The following ANKRD31 variants were observed in gnomAD, a reference collection of about 807,000 sequenced individuals.
The protein encoded by ANKRD31 is ankyrin repeat domain-containing protein 31.
ANKRD31 carries 147 observed loss-of-function variants against 186.0 expected under a neutral mutation model. The observed-to-expected ratio is 0.79, with a 90% CI of 0.69 to 0.91. The LOEUF is 0.91. Among genes scored for constraint, ANKRD31 ranks in the 40% least tolerant of loss-of-function variants. The pLI is 0.00. For synonymous variants in ANKRD31, 673 were observed against 736.4 expected, an observed-to-expected ratio of 0.91 and a Z score of 1.39; for missense variants, 1,986 against 2,148.8, an observed-to-expected ratio of 0.92 and a Z score of 1.50.
In ANKRD31 at chr5:75,213,960, G is replaced by A. The variant is rs114484140; in HGVS notation, c.289-3095C>T. The stretch of plus-strand genomic sequence containing the variant: ...CTCACACAAACTACCTTCACATTTG[G>A]TAGACCAGAATAGTAGTTACTGGTA... On this transcript the variant is annotated intron_variant, in intron 3 of 25. Transcript: ENST00000506364. Among the ~76,000 whole-genome samples the A allele has an allele frequency of 6.0e-3, 909 of 152,286 alleles. 12 individuals are homozygous for A. The highest frequency in any genetic ancestry group is 0.021 in the African/African-American group (866 of 41,558).
chr5:75,161,103 A>C (rs563436263), intron 11 of ANKRD31, among the ~76,000 whole-genome samples: 1 of 152,312 alleles, frequency 6.6e-6, no homozygotes, highest in Non-Finnish European at 1.5e-5. Flanking sequence ...GCAACTTTGG[A>C]ACTGGCTAAC....
chr5:75,088,817 C>T (rs987690229), intron 23 of ANKRD31, among the ~76,000 whole-genome samples: 26 of 152,234 alleles, frequency 1.7e-4, no homozygotes, highest in African/African-American at 5.5e-4. Flanking sequence ...AAAGTTGTTG[C>T]GTAAAACTGC....
intron 10 of ANKRD31, among the ~76,000 whole-genome samples, chr5:75,184,140 C>T (rs1754533017): frequency 6.6e-6 from 1 of 152,074 alleles, no homozygotes; most frequent in Non-Finnish European, 1.5e-5. Context: ...GCCAAAAATA[C>T]ACACTGGGGA....
chr5:75,116,689 A>C lies in ANKRD31; in HGVS notation c.4040-8T>G. The C allele has an allele frequency of 7.3e-7, 1 of 1,372,048 alleles. No homozygotes were observed. Among genetic ancestry groups the C allele is most frequent in the Non-Finnish European group, 9.5e-7 (1 of 1,047,552 alleles). The allele number at this position is 1,372,048 out of a possible 1,614,324, so 85.0% of individuals were successfully genotyped here. The stretch of plus-strand genomic sequence containing the variant: ...GGACAGCAGGAATTTTTTCTTTAAA[A>C]AGTAAAATTAGAAAATATAATAAGA... On this transcript the variant is annotated splice_polypyrimidine_tract_variant and splice_region_variant and intron_variant, in intron 18 of 25. Transcript: ENST00000506364.
At position 75,104,588 on chromosome 5, in the gene ANKRD31, A is replaced by G; in HGVS notation, c.4971T>C (p.His1657=). 1 of 1,536,322 alleles carries G rather than the reference A, an allele frequency of 6.5e-7. No individual in the cohort carries two copies. The highest frequency in any genetic ancestry group is 8.7e-7 in the Non-Finnish European group (1 of 1,146,546). The change falls in exon 22 of 26, where the codon CAT becomes CAC. Residue 1657 remains histidine, a synonymous_variant. Transcript: ENST00000506364. ...TASVLAENAA[H]PSNIICDQDL... ...CCTGATCACAAATAATATTTGATGG[A>G]TGGGCAGCATTTTCGGCAAGGACAC...
At chr5:75,158,446 G>A (rs745508440) in intron 11 of ANKRD31, among the ~76,000 whole-genome samples, 3 of 152,094 alleles carry the variant, frequency 2.0e-5, no homozygotes, top group Non-Finnish European at 4.4e-5. Flanking sequence ...GTGGGTTGGG[G>A]GACTCAGGAT....
intron 19 of ANKRD31, among the ~76,000 whole-genome samples, chr5:75,115,457 C>T (rs9687104): frequency 0.049 from 7,399 of 151,910 alleles, 391 homozygotes; most frequent in African/African-American, 0.13. Flanking sequence ...AAACTACCAT[C>T]AGAGTGAACA....
chr5:75,234,349 T>C (rs1352483603), intron 1 of ANKRD31, among the ~76,000 whole-genome samples: 2 of 152,236 alleles, frequency 1.3e-5, no homozygotes, highest in Non-Finnish European at 2.9e-5. Flanking sequence ...AGACAATATA[T>C]TTATATGGTT....
chr5:75,209,477 GACC>G (rs1341199448), intron 4 of ANKRD31, among the ~76,000 whole-genome samples: 3 of 152,160 alleles, frequency 2.0e-5, no homozygotes, highest in Non-Finnish European at 4.4e-5. Context: ...AGGAGTTCAA[GACC>G]AGCATGGCCA....
At chr5:75,087,003 A>G (rs1745543296) in intron 23 of ANKRD31, among the ~76,000 whole-genome samples, 1 of 152,210 alleles carries the variant, frequency 6.6e-6, no homozygotes, top group South Asian at 2.1e-4. Flanking sequence ...TATTTTGGTA[A>G]GGTCTTTGGA....
rs1747170617 is a variant in ANKRD31, at chr5:75,104,510, T to C, written c.5049A>G (p.Gln1683=). 7 of 1,537,166 alleles carry C rather than the reference T, an allele frequency of 4.6e-6. No individual in the cohort carries two copies. The highest frequency in any genetic ancestry group is 2.4e-5 in the South Asian group (2 of 84,006). ...GAGATTCTGATGCCCCTGTAGGTGA[T>C]TGCTGGGAACTTGTTTTTCTGTTTC... ...KRGNRKTSSQ[Q]SPTGASESLA... is the part of the protein sequence containing the mutation. Residue 1683 remains glutamine, a synonymous_variant, in exon 22 of 26, where the codon CAA becomes CAG. Transcript: ENST00000506364.
chr5:75,203,480 A>G (rs867331211), intron 5 of ANKRD31, among the ~76,000 whole-genome samples: 175 of 151,888 alleles, frequency 1.2e-3, no homozygotes, highest in African/African-American at 4.2e-3. Context: ...CCTAGCCAAC[A>G]TGGTGAAACC....
chr5:75,148,744 A>C (rs970417611), intron 12 of ANKRD31, 116 bp from the exon 13 acceptor site: 3 of 629,278 alleles, frequency 4.8e-6, no homozygotes, highest in Middle Eastern at 2.7e-4. Flanking sequence ...GAAATTATGC[A>C]AACATTTTAT....
chr5:75,091,112 TGATATGCATACA>T, intron 23 of ANKRD31, 137 bp downstream of exon 23: 13 of 784,948 alleles, frequency 1.7e-5, no homozygotes, highest in Non-Finnish European at 2.3e-5. Context: ...GCATGTAGCA[TGATATGCATACA>T]GCATATACAG....
intron 17 of ANKRD31, among the ~76,000 whole-genome samples, chr5:75,126,651 A>G (rs1318993081): frequency 6.6e-6 from 1 of 152,206 alleles, no homozygotes; most frequent in East Asian, 1.9e-4. Context: ...GTTTCAGGTA[A>G]TAAAAATTGC....
intron 11 of ANKRD31, among the ~76,000 whole-genome samples, chr5:75,158,933 T>A (rs1230320117): frequency 6.6e-6 from 1 of 152,084 alleles, no homozygotes; most frequent in Non-Finnish European, 1.5e-5. Flanking sequence ...CTAAAACAGC[T>A]ATTATAAATA....
chr5:75,078,919 C>T (rs1029369268), intron 25 of ANKRD31, among the ~76,000 whole-genome samples: 2 of 152,180 alleles, frequency 1.3e-5, no homozygotes, highest in African/African-American at 4.8e-5. Flanking sequence ...GCCCCATAGA[C>T]TCACTCCATT....
intron 6 of ANKRD31, among the ~76,000 whole-genome samples, chr5:75,199,189 C>T (rs1755654267): frequency 6.6e-6 from 1 of 152,138 alleles, no homozygotes; most frequent in Non-Finnish European, 1.5e-5. Context: ...GCCTGGGCAA[C>T]AAAGTGAGAC....
At chr5:75,147,544 C>T (rs952469403) in intron 13 of ANKRD31, 39 bp from the exon 14 acceptor site, 29 of 1,248,742 alleles carry the variant, frequency 2.3e-5, no homozygotes, top group East Asian at 5.1e-5. Context: ...TAATTTTCAG[C>T]GGTAGTACTA....
Sources: gnomAD v4.1 joint callset for allele counts (sites outside exome capture counted in the v4.1 genomes callset) on GRCh38, gnomAD v4.1.1 for gene constraint, MANE v1.5 for transcripts, NCBI Gene and HGNC (gene_info 2026-07-23, HGNC 2026-07-21) for gene names.